GPC5: variants seen among roughly 807,000 people sequenced by gnomAD.
The protein encoded by GPC5 is glypican-5.
In GPC5, 47 loss-of-function variants were observed where a neutral mutation model predicts 53.9. The observed-to-expected ratio is 0.87, with a 90% CI of 0.69 to 1.11. The LOEUF is 1.11. GPC5 is among the 50% of genes most tolerant of loss of function. The pLI, the probability that GPC5 is intolerant of heterozygous loss-of-function variation, is 0.00. For synonymous variants in GPC5, 286 were observed against 263.3 expected, an observed-to-expected ratio of 1.09 and a Z score of -0.84; for missense variants, 748 against 713.1, an observed-to-expected ratio of 1.05 and a Z score of -0.56.
intron 7 of GPC5, among the ~76,000 whole-genome samples, chr13:92,287,650 T>C (rs2042965620): frequency 1.3e-5 from 2 of 152,160 alleles, no homozygotes; most frequent in South Asian, 2.1e-4. Context: ...GTCAATTATA[T>C]TGAAAGGTCC....
chr13:91,554,908 A>G (rs968710145), intron 2 of GPC5, among the ~76,000 whole-genome samples: 1 of 152,076 alleles, frequency 6.6e-6, no homozygotes, highest in African/African-American at 2.4e-5. Context: ...CTCTTAGCCC[A>G]TCTCCCACTT....
intron 6 of GPC5, among the ~76,000 whole-genome samples, chr13:92,100,959 G>A (rs944028624): frequency 6.6e-6 from 1 of 152,094 alleles, no homozygotes; most frequent in Non-Finnish European, 1.5e-5. Flanking sequence ...ATGTTAGACA[G>A]GATATAGTAA....
At chr13:92,521,402 C>T (rs1881040200) in intron 7 of GPC5, among the ~76,000 whole-genome samples, 1 of 152,186 alleles carries the variant, frequency 6.6e-6, no homozygotes, top group Admixed American at 6.5e-5. Context: ...GTAACCGAAA[C>T]AGCATGGTAC....
intron 7 of GPC5, among the ~76,000 whole-genome samples, chr13:92,303,030 T>C (rs1049171343): frequency 6.6e-6 from 1 of 152,218 alleles, no homozygotes; most frequent in Non-Finnish European, 1.5e-5. Context: ...AATTTTTATC[T>C]TCTTCCCTTG....
At chr13:92,014,281 C>T (rs1392293088) in intron 6 of GPC5, among the ~76,000 whole-genome samples, 1 of 152,068 alleles carries the variant, frequency 6.6e-6, no homozygotes, top group African/African-American at 2.4e-5. Flanking sequence ...GTTTTTCTTG[C>T]TTGATATGCT....
intron 2 of GPC5, among the ~76,000 whole-genome samples, chr13:91,632,928 A>G (rs532261654): frequency 1.3e-5 from 2 of 152,034 alleles, no homozygotes; most frequent in Non-Finnish European, 2.9e-5. Flanking sequence ...GGGATTAACA[A>G]TTTTCTGGTG....
At position 91,648,771 on chromosome 13, in the gene GPC5, TC is replaced by T. The variant is rs532207141; in HGVS notation, c.326-44415del. Among the ~76,000 whole-genome samples, 119 of 152,288 alleles carry T rather than the reference TC, an allele frequency of 7.8e-4. 1 individual carries two copies. Among genetic ancestry groups the T allele is most frequent in the African/African-American group, 2.7e-3 (112 of 41,582 alleles). ...GATTTTCTCATAAATTTATTGAGCATCTTTCCTGTGCCAGGCATTGTGTGTG... is the reference window on the plus strand; with the variant it reads ...GATTTTCTCATAAATTTATTGAGCATTTTCCTGTGCCAGGCATTGTGTGTG... On this transcript the variant is annotated intron_variant, in intron 2 of 7. Coordinates refer to ENST00000377067, the MANE Select transcript of GPC5 (RefSeq NM_004466.6).
intron 7 of GPC5, among the ~76,000 whole-genome samples, chr13:92,352,636 T>C (rs2043488805): frequency 6.6e-6 from 1 of 152,158 alleles, no homozygotes; most frequent in Non-Finnish European, 1.5e-5. Context: ...AAGATTCCAA[T>C]CAAGATAGCC....
intron 7 of GPC5, among the ~76,000 whole-genome samples, chr13:92,428,964 A>G (rs542115389): frequency 6.6e-6 from 1 of 152,136 alleles, no homozygotes; most frequent in African/African-American, 2.4e-5. Context: ...ATAAATCAGG[A>G]TTGCAAATAA....
At chr13:92,698,669 G>A (rs1887636462) in intron 7 of GPC5, among the ~76,000 whole-genome samples, 1 of 152,024 alleles carries the variant, frequency 6.6e-6, no homozygotes, top group Non-Finnish European at 1.5e-5. Context: ...ATAATCCTTT[G>A]GGTTTATACC....
intron 5 of GPC5, among the ~76,000 whole-genome samples, chr13:91,800,708 C>T (rs1279772471): frequency 6.6e-6 from 1 of 152,026 alleles, no homozygotes; most frequent in Admixed American, 6.6e-5. Flanking sequence ...AATTTTTCTC[C>T]TTCATATATT....
At chr13:92,030,842 G>T (rs1227255705) in intron 6 of GPC5, among the ~76,000 whole-genome samples, 2 of 152,168 alleles carry the variant, frequency 1.3e-5, no homozygotes, top group Non-Finnish European at 2.9e-5. Context: ...TTTGAGACGT[G>T]GGCCTGTTAA....
intron 6 of GPC5, among the ~76,000 whole-genome samples, chr13:92,043,316 G>A (rs1047186670): frequency 1.3e-5 from 2 of 152,240 alleles, no homozygotes; most frequent in Admixed American, 1.3e-4. Flanking sequence ...TTATTCTCCA[G>A]CCACTTTCAG....
intron 7 of GPC5, among the ~76,000 whole-genome samples, chr13:92,197,753 C>T (rs888203792): frequency 1.3e-5 from 2 of 151,416 alleles, no homozygotes; most frequent in African/African-American, 2.4e-5. Flanking sequence ...TGGGCTTAAG[C>T]GATCCACCTG....
chr13:92,458,162 T>C (rs1035029558), intron 7 of GPC5, among the ~76,000 whole-genome samples: 1 of 152,134 alleles, frequency 6.6e-6, no homozygotes, highest in African/African-American at 2.4e-5. Context: ...CAGTCATAAA[T>C]TGTGGTTATC....
chr13:92,806,725 C>T (rs542105894), intron 7 of GPC5, among the ~76,000 whole-genome samples: 5 of 152,094 alleles, frequency 3.3e-5, no homozygotes, highest in African/African-American at 9.6e-5. Context: ...AGTGCACACA[C>T]GACTCTTAAT....
At chr13:92,221,251 T>C (rs1355393741) in intron 7 of GPC5, among the ~76,000 whole-genome samples, 2 of 152,206 alleles carry the variant, frequency 1.3e-5, no homozygotes, top group East Asian at 3.8e-4. Flanking sequence ...CTTAGAATGT[T>C]TCCATTATTT....
intron 7 of GPC5, among the ~76,000 whole-genome samples, chr13:92,296,777 T>G (rs987521645): frequency 6.6e-6 from 1 of 152,198 alleles, no homozygotes; most frequent in Non-Finnish European, 1.5e-5. Context: ...CCAGCCCTGC[T>G]GGCCCCGGGC....
chr13:92,765,385 G>C (rs904691181), intron 7 of GPC5, among the ~76,000 whole-genome samples: 3 of 152,086 alleles, frequency 2.0e-5, no homozygotes, highest in African/African-American at 7.2e-5. Flanking sequence ...ATTTCAATTT[G>C]GATTTTCTTT....
Sources: allele counts gnomAD v4.1 joint callset (sites outside exome capture counted in the v4.1 genomes callset), GRCh38; gene constraint gnomAD v4.1.1; transcripts MANE v1.5; gene names NCBI Gene and HGNC (gene_info 2026-07-23, HGNC 2026-07-21).